Variants in CENPW observed in about 807,000 individuals in gnomAD.
CENPW encodes the protein centromere protein W.
CENPW carries 3 observed loss-of-function variants against 11.1 expected under a neutral mutation model. The observed-to-expected ratio is 0.27, with a 90% CI of 0.12 to 0.70. The LOEUF is 0.70. Ranked by LOEUF, CENPW falls within the 30% of genes least tolerant of loss-of-function variation. The probability of loss-of-function intolerance (pLI) is 0.77; values close to 1 mark genes in which losing one functional copy is unlikely to be tolerated. For synonymous variants in CENPW, 38 were observed against 42.0 expected (o/e 0.91, Z 0.37); for missense variants, 100 against 105.6 (o/e 0.95, Z 0.23).
chr6:126,416,897 G>C, the CENPW span, among the ~76,000 whole-genome samples: 1 of 152,346 alleles, frequency 6.6e-6, no homozygotes, highest in East Asian at 1.9e-4. Context: ...CCCACACACA[G>C]AGTCCTTACT....
intron 1 of CENPW, among the ~76,000 whole-genome samples, chr6:126,341,138 T>A (rs182904903): frequency 6.6e-6 from 1 of 152,326 alleles, no homozygotes; most frequent in Non-Finnish European, 1.5e-5. Flanking sequence ...AACCACTGTA[T>A]AATAATGTTT....
chr6:126,393,690 AC>A, the CENPW span, among the ~76,000 whole-genome samples: 1 of 150,412 alleles, frequency 6.6e-6, no homozygotes, highest in Non-Finnish European at 1.5e-5. Flanking sequence ...TTGTTTTGTG[AC>A]CTAATGTATG....
downstream of CENPW, among the ~76,000 whole-genome samples, chr6:126,350,897 TG>T (rs1406333804): frequency 6.6e-6 from 1 of 151,950 alleles, no homozygotes; most frequent in Non-Finnish European, 1.5e-5. Flanking sequence ...AATGTAAATT[TG>T]AAAAAAAACA....
chr6:126,360,424 G>A, the CENPW span, among the ~76,000 whole-genome samples: 3 of 152,130 alleles, frequency 2.0e-5, no homozygotes, highest in East Asian at 5.8e-4. Context: ...GTCTCCTATA[G>A]TACCTAGCTA....
At chr6:126,367,819 A>G in the CENPW span, among the ~76,000 whole-genome samples, 1 of 152,118 alleles carries the variant, frequency 6.6e-6, no homozygotes, top group Non-Finnish European at 1.5e-5. Context: ...TAAAGAGGAG[A>G]CAGTTGATGT....
At chr6:126,417,803 A>C in the CENPW span, among the ~76,000 whole-genome samples, 7 of 152,190 alleles carry the variant, frequency 4.6e-5, no homozygotes, top group Non-Finnish European at 2.9e-5. Context: ...TAATATGAAA[A>C]GGTGCCAGAT....
the CENPW span, among the ~76,000 whole-genome samples, chr6:126,441,955 C>T: frequency 6.6e-6 from 1 of 151,554 alleles, no homozygotes; most frequent in Non-Finnish European, 1.5e-5. Context: ...TTCTTTTCCT[C>T]TGGGTAATAC....
the CENPW span, among the ~76,000 whole-genome samples, chr6:126,467,203 G>T: frequency 6.6e-6 from 1 of 152,074 alleles, no homozygotes; most frequent in Admixed American, 6.6e-5. Flanking sequence ...TAAGCAAAAA[G>T]AACAAAGCTG....
the CENPW span, among the ~76,000 whole-genome samples, chr6:126,390,598 C>T: frequency 2.0e-5 from 3 of 151,698 alleles, no homozygotes. Flanking sequence ...TAATCATCCC[C>T]ACTTCCCCTA....
chr6:126,382,024 A>G, the CENPW span, among the ~76,000 whole-genome samples: 1 of 152,276 alleles, frequency 6.6e-6, no homozygotes, highest in East Asian at 1.9e-4. Flanking sequence ...ACCTGAGGTC[A>G]GGAGTTTGAG....
At chr6:126,377,271 C>A in the CENPW span, among the ~76,000 whole-genome samples, 1 of 152,064 alleles carries the variant, frequency 6.6e-6, no homozygotes, top group South Asian at 2.1e-4. Flanking sequence ...AGTGTGTATA[C>A]CCTAATTAAC....
the CENPW span, among the ~76,000 whole-genome samples, chr6:126,392,033 A>G: frequency 6.6e-5 from 10 of 152,018 alleles, no homozygotes; most frequent in East Asian, 5.8e-4. Context: ...TTTGTTAGGG[A>G]TTGCATTGAA....
chr6:126,407,498 G>A, the CENPW span, among the ~76,000 whole-genome samples: 2 of 152,078 alleles, frequency 1.3e-5, no homozygotes, highest in African/African-American at 4.8e-5. Flanking sequence ...TAGATTTTGA[G>A]GATTTACCAC....
chr6:126,352,872 C>A, downstream of CENPW, among the ~76,000 whole-genome samples: 1 of 152,088 alleles, frequency 6.6e-6, no homozygotes, highest in East Asian at 1.9e-4. Context: ...TTTGAATTAA[C>A]TTTTATGATT....
At chr6:126,392,426 A>G in the CENPW span, among the ~76,000 whole-genome samples, 1 of 151,902 alleles carries the variant, frequency 6.6e-6, no homozygotes, top group East Asian at 1.9e-4. Flanking sequence ...ATTCAGTATG[A>G]TACTAGCTGT....
At chr6:126,422,601 A>G in the CENPW span, among the ~76,000 whole-genome samples, 1 of 152,118 alleles carries the variant, frequency 6.6e-6, no homozygotes, top group Non-Finnish European at 1.5e-5. Context: ...AATTCAGTCT[A>G]TCACAGTCTT....
At chr6:126,428,232 G>A in the CENPW span, among the ~76,000 whole-genome samples, 1 of 152,182 alleles carries the variant, frequency 6.6e-6, no homozygotes, top group Non-Finnish European at 1.5e-5. Context: ...TAAACCCACT[G>A]AAACTATACT....
At chr6:126,472,062 C>A in the CENPW span, among the ~76,000 whole-genome samples, 1 of 152,008 alleles carries the variant, frequency 6.6e-6, no homozygotes, top group Non-Finnish European at 1.5e-5. Context: ...TATGATGAAA[C>A]CTGTGAACCT....
chr6:126,350,303 C>T (rs911401821), downstream of CENPW, among the ~76,000 whole-genome samples: 4 of 152,032 alleles, frequency 2.6e-5, no homozygotes, highest in African/African-American at 7.2e-5. Context: ...ATTTTTTTCT[C>T]ACAGTTTTGA....
Sources: allele counts gnomAD v4.1 joint callset (sites outside exome capture counted in the v4.1 genomes callset), GRCh38; gene constraint gnomAD v4.1.1; transcripts MANE v1.5; gene names NCBI Gene and HGNC (gene_info 2026-07-23, HGNC 2026-07-21).